Variants in SHLD1 observed in about 807,000 individuals in gnomAD.
The protein encoded by SHLD1 is RINN1-REV7-interacting novel NHEJ regulator 3.
In SHLD1, 3 loss-of-function variants were observed where a neutral mutation model predicts 5.5. The ratio of observed to expected loss-of-function variants is 0.54; its 90% CI spans 0.25 to 1.40. SHLD1 has a LOEUF of 1.40. Among genes scored for constraint, SHLD1 ranks in the 40% most tolerant of loss-of-function variants. The pLI, the probability that SHLD1 is intolerant of heterozygous loss-of-function variation, is 0.15. For missense variants in SHLD1, 210 were observed against 244.4 expected (o/e 0.86, Z 0.94); for synonymous variants, 92 against 94.3 (o/e 0.98, Z 0.14).
chr20:5,803,896 A>AAAAAC (rs1184051334), intron 2 of SHLD1, among the ~76,000 whole-genome samples: 1 of 142,078 alleles, frequency 7.0e-6, no homozygotes, highest in Non-Finnish European at 1.6e-5. Context: ...ATTAAAAAAA[A>AAAAAC]AAAACAAAAC....
chr20:5,822,833 A>G (rs1464502911), intron 2 of SHLD1, among the ~76,000 whole-genome samples: 1 of 151,854 alleles, frequency 6.6e-6, no homozygotes, highest in African/African-American at 2.4e-5. Context: ...AAAAAAATCC[A>G]TGACCCCAGG....
chr20:5,764,190 ATT>A (rs1186948406), intron 1 of SHLD1, among the ~76,000 whole-genome samples: 3 of 52,638 alleles, frequency 5.7e-5, no homozygotes, highest in Admixed American at 2.9e-4. Context: ...ATATATATAT[ATT>A]TTATATATAT....
chr20:5,824,641 T>TG (rs1325991088), intron 2 of SHLD1, among the ~76,000 whole-genome samples: 2 of 146,824 alleles, frequency 1.4e-5, no homozygotes, highest in African/African-American at 5.1e-5. Context: ...TTTTTTTTTT[T>TG]GGGACAAACC....
chr20:5,816,571 G>A (rs1344073994), intron 2 of SHLD1, among the ~76,000 whole-genome samples: 2 of 152,180 alleles, frequency 1.3e-5, no homozygotes, highest in African/African-American at 4.8e-5. Context: ...AAATGCAAGT[G>A]AAAATCTGAG....
chr20:5,800,698 A>G (rs8183589), intron 2 of SHLD1, among the ~76,000 whole-genome samples: 129,344 of 151,920 alleles, frequency 0.85, 55,312 homozygotes, highest in East Asian at 1. Context: ...AAAAAAAAAA[A>G]AAAAGAATTT....
At chr20:5,795,232 CTG>C (rs2087194197) in intron 2 of SHLD1, among the ~76,000 whole-genome samples, 1 of 141,220 alleles carries the variant, frequency 7.1e-6, no homozygotes, top group African/African-American at 2.7e-5. Context: ...GAGTGAGACT[CTG>C]TCTCAAAAAA....
rs927596919 is a variant in SHLD1, at chr20:5,806,238, C to T, written c.178+33195C>T. ...ATAATATCTACCTGATGGGTGGACACATAGTAGCTGACATAAGTGAGAATC... is the reference window on the plus strand; with the variant it reads ...ATAATATCTACCTGATGGGTGGACATATAGTAGCTGACATAAGTGAGAATC... On this transcript the variant is annotated intron_variant, in intron 2 of 2. Coordinates refer to ENST00000303142, the MANE Select transcript of SHLD1 (RefSeq NM_152504.4). This position sits in a 1 kb window ranked among gnomAD's most constrained non-coding sequence, Gnocchi z 7.6. 6.6e-6 allele frequency among the ~76,000 whole-genome samples: 1 copy of T among 152,178 alleles called. No individual in the cohort carries two copies. Among genetic ancestry groups the T allele is most frequent in the East Asian group, 1.9e-4 (1 of 5,196 alleles).
rs2088198325 is a variant in SHLD1 at position 5,864,031 on chromosome 20, G to A, written c.*568G>A. 6.6e-6 allele frequency: 1 copy of A among 152,280 alleles called. No homozygotes were observed. Among genetic ancestry groups the A allele is most frequent in the African/African-American group, 2.4e-5 (1 of 41,448 alleles). The allele number at this position is 152,280 out of a possible 1,614,324, so 9.4% of individuals were successfully genotyped here. A position where few individuals can be genotyped will look rare whatever the true frequency, so the allele number is the denominator to read the frequency against. ...AATCAGGTATAAGGAATTATATCAA[G>A]TTGTAAAACTGAGACCATGTCATTG... On this transcript the variant is annotated 3_prime_UTR_variant, in exon 3 of 3. Coordinates refer to ENST00000303142, the MANE Select transcript of SHLD1 (RefSeq NM_152504.4).
intron 2 of SHLD1, among the ~76,000 whole-genome samples, chr20:5,854,344 C>T (rs1020497888): frequency 6.6e-6 from 1 of 152,064 alleles, no homozygotes; most frequent in Non-Finnish European, 1.5e-5. Flanking sequence ...GACAGGGTTT[C>T]GCCATGTTGC....
intron 2 of SHLD1, among the ~76,000 whole-genome samples, chr20:5,854,650 A>AT (rs2122500864): frequency 6.6e-6 from 1 of 152,266 alleles, no homozygotes; most frequent in East Asian, 1.9e-4. Flanking sequence ...GAGAAATGTA[A>AT]TTTTTAAAAA....
chr20:5,854,561 G>A (rs1430770484), intron 2 of SHLD1, among the ~76,000 whole-genome samples: 1 of 152,172 alleles, frequency 6.6e-6, no homozygotes, highest in Non-Finnish European at 1.5e-5. Context: ...CAAGCTATGA[G>A]TGGGACTTTA....
chr20:5,819,746 C>T (rs571924232), intron 2 of SHLD1, among the ~76,000 whole-genome samples: 19 of 152,294 alleles, frequency 1.2e-4, no homozygotes, highest in Admixed American at 7.2e-4. Context: ...GGCTTGAGCC[C>T]AGGAAGCCAG....
intron 1 of SHLD1, among the ~76,000 whole-genome samples, chr20:5,750,772 C>CA (rs1207760013): frequency 6.6e-6 from 1 of 151,624 alleles, no homozygotes; most frequent in African/African-American, 2.4e-5. Context: ...AACCAACAAA[C>CA]AAAAAAACAG....
chr20:5,759,812 A>T (rs1335294045), intron 1 of SHLD1, among the ~76,000 whole-genome samples: 1 of 152,160 alleles, frequency 6.6e-6, no homozygotes, highest in African/African-American at 2.4e-5. Context: ...AATTGCTAGG[A>T]TTGCAGGCAT....
intron 2 of SHLD1, among the ~76,000 whole-genome samples, chr20:5,833,967 A>T (rs2087760836): frequency 6.6e-6 from 1 of 152,212 alleles, no homozygotes; most frequent in Non-Finnish European, 1.5e-5. Context: ...TTCATCTCAG[A>T]TAATACTTCT....
At chr20:5,845,607 C>T (rs2087923914) in intron 2 of SHLD1, among the ~76,000 whole-genome samples, 2 of 152,200 alleles carry the variant, frequency 1.3e-5, no homozygotes. Flanking sequence ...GCGAAAACTG[C>T]TTTGAGAACC....
intron 1 of SHLD1, among the ~76,000 whole-genome samples, chr20:5,762,247 A>G (rs1279060722): frequency 6.8e-6 from 1 of 146,456 alleles, no homozygotes; most frequent in African/African-American, 2.7e-5. Context: ...CTGTCTCAGA[A>G]AAAAAAAAAA....
At chr20:5,818,656 C>G (rs1464372635) in intron 2 of SHLD1, among the ~76,000 whole-genome samples, 1 of 152,096 alleles carries the variant, frequency 6.6e-6, no homozygotes, top group African/African-American at 2.4e-5. Context: ...TTTGTCTCCC[C>G]AAATGGGGGC....
intron 2 of SHLD1, among the ~76,000 whole-genome samples, chr20:5,832,286 C>T (rs1253327434): frequency 1.3e-5 from 2 of 152,194 alleles, no homozygotes; most frequent in East Asian, 3.8e-4. Context: ...AGGAGACAGA[C>T]TTCTCCACAT....
Sources: allele counts gnomAD v4.1 joint callset (sites outside exome capture counted in the v4.1 genomes callset), GRCh38; gene constraint gnomAD v4.1.1; non-coding constraint Gnocchi (gnomAD v3.1); transcripts MANE v1.5; gene names NCBI Gene and HGNC (gene_info 2026-07-23, HGNC 2026-07-21).